The following PHF20 variants were observed in gnomAD, a reference collection of about 807,000 sequenced individuals.
PHF20 encodes PHD finger protein 20, also known as glioma-expressed antigen 2.
A neutral mutation model predicts 113.5 loss-of-function variants in PHF20; 23 were observed. The observed-to-expected ratio is 0.20, with a 90% CI of 0.15 to 0.29. The LOEUF (loss-of-function observed/expected upper bound fraction) is 0.29, where lower values mean the gene tolerates loss of function less well. Ranked by LOEUF, PHF20 falls within the 10% of genes least tolerant of loss-of-function variation. The pLI is 1.00. For missense variants in PHF20, 943 were observed against 1,219.6 expected, an observed-to-expected ratio of 0.77 and a Z score of 3.38; for synonymous variants, 434 against 457.3, an observed-to-expected ratio of 0.95 and a Z score of 0.65.
chr20:35,931,412 G>T lies in PHF20; in HGVS notation c.2268G>T (p.Leu756=), dbSNP rs576061500. The part of the protein sequence containing the change: ...LGDVQRVIEV[L]HGLQLKMSIL... ...ATGTGCAGAGAGTGATTGAGGTTCT[G>T]CATGGCCTGCAGCTCAAGATGAGCA... Residue 756 remains leucine, a synonymous_variant, in exon 15 of 18, where the codon CTG becomes CTT. Transcript: ENST00000374012. The T allele has an allele frequency of 1.2e-6, 2 of 1,613,398 alleles. No individual in the cohort carries two copies. Among genetic ancestry groups the T allele is most frequent in the South Asian group, 2.2e-5 (2 of 91,074 alleles).
chr20:35,845,429 A>C, intron 3 of PHF20: 1 of 392,636 alleles, frequency 2.5e-6, no homozygotes, highest in Non-Finnish European at 5.2e-6. Flanking sequence ...GCAGTGGTGC[A>C]GTCTTGGCTT....
chr20:35,812,671 G>C (rs532220205), intron 2 of PHF20, among the ~76,000 whole-genome samples: 1 of 152,152 alleles, frequency 6.6e-6, no homozygotes, highest in East Asian at 1.9e-4. Flanking sequence ...CACATCGGGG[G>C]ACACATAAAG....
chr20:35,890,617 C>A (rs1399964787), intron 9 of PHF20, among the ~76,000 whole-genome samples: 1 of 152,166 alleles, frequency 6.6e-6, no homozygotes, highest in East Asian at 1.9e-4. Flanking sequence ...CAGTGCCTCA[C>A]GCCTTGTAAT....
At position 35,814,892 on chromosome 20, in the gene PHF20, A is replaced by AAAAT. The variant is rs1555789378; in HGVS notation, c.83+13305_83+13308dup. Among the ~76,000 whole-genome samples the AAAAT allele has an allele frequency of 2.2e-3, 243 of 110,266 alleles. 3 individuals are homozygous for AAAAT. The highest frequency in any genetic ancestry group is 8.3e-3 in the African/African-American group (226 of 27,142). The allele number at this position is 110,266 out of a possible 152,430, so 72.3% of individuals were successfully genotyped here. ...CGTCTCAAAAAAAAAAAAAAAAAAT[A>AAAAT]AAATAAATAAATAAATAAATAGGCC... On this transcript the variant is annotated intron_variant, in intron 2 of 17. Transcript: ENST00000374012.
chr20:35,795,190 TA>T (rs112803709), intron 1 of PHF20, among the ~76,000 whole-genome samples: 18,285 of 134,844 alleles, frequency 0.14, 1,174 homozygotes, highest in Middle Eastern at 0.18. Context: ...GACTCTGTCT[TA>T]AAAAAAAAAA....
At chr20:35,869,827 G>A (rs1473196238) in intron 7 of PHF20, among the ~76,000 whole-genome samples, 1 of 152,136 alleles carries the variant, frequency 6.6e-6, no homozygotes, top group Admixed American at 6.6e-5. Flanking sequence ...TAATGGCTTA[G>A]GAAGGGATGG....
chr20:35,884,600 T>C (rs2054692938), intron 9 of PHF20, among the ~76,000 whole-genome samples: 1 of 152,240 alleles, frequency 6.6e-6, no homozygotes, highest in South Asian at 2.1e-4. Flanking sequence ...CGTATGTAGA[T>C]GCATATTTTT....
rs531627138 is a variant in PHF20 at position 35,854,657 on chromosome 20, C to T, written c.341-3645C>T. On this transcript the variant is annotated intron_variant, in intron 4 of 17. Transcript: ENST00000374012. Reference sequence around the variant, plus strand: ...TTTGGAAGTTAAAAGGATCAAAGACCGAGATATATCTAAGGACGGTCATCC... The same window carrying T: ...TTTGGAAGTTAAAAGGATCAAAGACTGAGATATATCTAAGGACGGTCATCC... Among the ~76,000 whole-genome samples, 35 of 152,152 alleles carry T rather than the reference C, an allele frequency of 2.3e-4. No individual in the cohort carries two copies. In the South Asian group the frequency reaches 5.4e-3, roughly 23 times the overall value.
chr20:35,924,688 G>A (rs982049263), intron 13 of PHF20, among the ~76,000 whole-genome samples: 1 of 151,800 alleles, frequency 6.6e-6, no homozygotes, highest in Non-Finnish European at 1.5e-5. Flanking sequence ...CCTCTCCTGG[G>A]TTCAAGTGAT....
chr20:35,931,906 G>A lies in PHF20; in HGVS notation c.2300+462G>A, dbSNP rs536901976. 5.3e-5 allele frequency among the ~76,000 whole-genome samples: 8 copies of A among 151,760 alleles called. No individual in the cohort carries two copies. In the South Asian group the frequency reaches 1.3e-3, roughly 24 times the overall value. ...GCGGAGGTTGTGGTGAGCTGAGATC[G>A]TGCCATTGCACTCCAGCCTGGGCAA... On this transcript the variant is annotated intron_variant, in intron 15 of 17. Transcript: ENST00000374012.
intron 2 of PHF20, among the ~76,000 whole-genome samples, chr20:35,831,453 T>C (rs966219873): frequency 1.3e-5 from 2 of 152,102 alleles, no homozygotes; most frequent in Non-Finnish European, 2.9e-5. Context: ...GCATGAGCCA[T>C]TGTGCTGGGC....
intron 1 of PHF20, among the ~76,000 whole-genome samples, chr20:35,786,010 C>T (rs1317140048): frequency 6.6e-5 from 9 of 136,616 alleles, no homozygotes; most frequent in East Asian, 2.2e-4. Flanking sequence ...CCAGCCTGGG[C>T]GACAGAGCGC....
intron 4 of PHF20, among the ~76,000 whole-genome samples, chr20:35,851,215 G>T (rs2042725428): frequency 1.3e-5 from 2 of 152,092 alleles, no homozygotes; most frequent in Non-Finnish European, 2.9e-5. Context: ...CCTTTCTGTT[G>T]ATCTGTGGTT....
At chr20:35,860,568 A>G (rs1052108214) in intron 5 of PHF20, among the ~76,000 whole-genome samples, 4 of 151,972 alleles carry the variant, frequency 2.6e-5, no homozygotes, top group Non-Finnish European at 5.9e-5. Context: ...GATACATGAT[A>G]CCTTTAGTGG....
intron 4 of PHF20, among the ~76,000 whole-genome samples, chr20:35,857,622 C>G (rs943805372): frequency 3.4e-5 from 4 of 118,558 alleles, no homozygotes; most frequent in African/African-American, 1.3e-4. Flanking sequence ...GCTCTGTTGC[C>G]TAGCCTGGAG....
At chr20:35,838,340 A>G (rs569334330) in intron 2 of PHF20, 1 of 152,290 alleles carries the variant, frequency 6.6e-6, no homozygotes, top group Admixed American at 6.5e-5. Context: ...AATGAGTCTC[A>G]TGCTTCCTCT....
chr20:35,835,798 C>T (rs189683225), intron 2 of PHF20, among the ~76,000 whole-genome samples: 126 of 152,078 alleles, frequency 8.3e-4, no homozygotes, highest in African/African-American at 2.7e-3. Context: ...GGCGTGGTGG[C>T]GTGTACCTGT....
intron 9 of PHF20, among the ~76,000 whole-genome samples, chr20:35,874,117 A>G (rs2054475075): frequency 6.6e-6 from 1 of 152,144 alleles, no homozygotes; most frequent in Non-Finnish European, 1.5e-5. Flanking sequence ...GATTACAGGC[A>G]TGTGCCACCA....
At chr20:35,897,902 G>A (rs1015171230) in intron 9 of PHF20, among the ~76,000 whole-genome samples, 2 of 149,438 alleles carry the variant, frequency 1.3e-5, no homozygotes, top group African/African-American at 5.0e-5. Context: ...TTGAGACAGA[G>A]TCTTGCTCTG....
Sources: allele counts gnomAD v4.1 joint callset (sites outside exome capture counted in the v4.1 genomes callset), GRCh38; gene constraint gnomAD v4.1.1; transcripts MANE v1.5; gene names NCBI Gene and HGNC (gene_info 2026-07-23, HGNC 2026-07-21).